Variants in HS6ST3 observed in about 807,000 individuals in gnomAD.
The protein encoded by HS6ST3 is heparan sulfate 6-O-sulfotransferase 3, also known as heparan-sulfate 6-O-sulfotransferase 3.
Under a neutral mutation model 36.7 loss-of-function variants are expected in HS6ST3, and 12 were observed. The observed-to-expected ratio is 0.33, with a 90% CI of 0.21 to 0.53. The LOEUF (loss-of-function observed/expected upper bound fraction) is 0.53. HS6ST3 is among the 20% of genes least tolerant of loss of function. HS6ST3 has a pLI of 0.95. For missense variants in HS6ST3, 584 were observed against 640.9 expected (o/e 0.91, Z 0.96); for synonymous variants, 240 against 257.5 (o/e 0.93, Z 0.65).
intron 1 of HS6ST3, among the ~76,000 whole-genome samples, chr13:96,637,021 A>G (rs940306615): frequency 6.6e-6 from 1 of 152,168 alleles, no homozygotes; most frequent in African/African-American, 2.4e-5. Context: ...AAAAAAAAAG[A>G]ATACAAGTGT....
At chr13:96,469,956 A>G (rs1018290014) in intron 1 of HS6ST3, among the ~76,000 whole-genome samples, 4 of 152,252 alleles carry the variant, frequency 2.6e-5, no homozygotes, top group Non-Finnish European at 4.4e-5. Context: ...ATTAATTTTA[A>G]GAAGAAAGTC....
intron 1 of HS6ST3, among the ~76,000 whole-genome samples, chr13:96,421,991 C>T (rs949482591): frequency 6.6e-6 from 1 of 152,182 alleles, no homozygotes; most frequent in Non-Finnish European, 1.5e-5. Flanking sequence ...TTTTATCATT[C>T]ATGAAATAAT....
At chr13:96,136,695 ATAT>A (rs2054003904) in intron 1 of HS6ST3, among the ~76,000 whole-genome samples, 1 of 44,534 alleles carries the variant, frequency 2.2e-5, no homozygotes, top group Non-Finnish European at 4.7e-5. Flanking sequence ...ATATATATAT[ATAT>A]ATATATATAT....
At chr13:96,365,126 G>C (rs188904861) in intron 1 of HS6ST3, among the ~76,000 whole-genome samples, 1 of 152,164 alleles carries the variant, frequency 6.6e-6, no homozygotes, top group Non-Finnish European at 1.5e-5. Flanking sequence ...GCTAGGTCAG[G>C]TTTAGTCCAG....
At chr13:96,684,126 A>C (rs1874698295) in intron 1 of HS6ST3, among the ~76,000 whole-genome samples, 2 of 152,204 alleles carry the variant, frequency 1.3e-5, no homozygotes, top group Admixed American at 6.6e-5. Context: ...CCCAATAACT[A>C]AGCTATTTTG....
At chr13:96,413,666 AT>A (rs1191501528) in intron 1 of HS6ST3, among the ~76,000 whole-genome samples, 1 of 152,210 alleles carries the variant, frequency 6.6e-6, no homozygotes, top group African/African-American at 2.4e-5. Context: ...ATAAATAGCT[AT>A]GGTTGTGAGA....
At chr13:96,649,923 T>A (rs2056601870) in intron 1 of HS6ST3, among the ~76,000 whole-genome samples, 1 of 152,004 alleles carries the variant, frequency 6.6e-6, no homozygotes, top group Non-Finnish European at 1.5e-5. Flanking sequence ...TCTTACTTAC[T>A]CTGCAGTAGC....
intron 1 of HS6ST3, among the ~76,000 whole-genome samples, chr13:96,459,774 A>G (rs1318915668): frequency 6.6e-6 from 1 of 152,214 alleles, no homozygotes; most frequent in African/African-American, 2.4e-5. Flanking sequence ...GAGATTGATC[A>G]GTGTTCACAT....
At chr13:96,709,973 C>G (rs1307440098) in intron 1 of HS6ST3, among the ~76,000 whole-genome samples, 1 of 152,170 alleles carries the variant, frequency 6.6e-6, no homozygotes, top group African/African-American at 2.4e-5. Flanking sequence ...CAAACAAGGG[C>G]TCTAAGTGGC....
intron 1 of HS6ST3, among the ~76,000 whole-genome samples, chr13:96,479,520 G>C (rs2055880363): frequency 6.6e-6 from 1 of 152,196 alleles, no homozygotes; most frequent in African/African-American, 2.4e-5. Flanking sequence ...AAATGGATTA[G>C]AATGGATTGA....
chr13:96,254,508 T>C (rs1180406350), intron 1 of HS6ST3, among the ~76,000 whole-genome samples: 900 of 25,494 alleles, frequency 0.035, 54 homozygotes, highest in African/African-American at 0.079. Flanking sequence ...TACACATACA[T>C]ACACACACAC....
At chr13:96,516,123 G>T (rs1205769778) in intron 1 of HS6ST3, among the ~76,000 whole-genome samples, 1 of 151,708 alleles carries the variant, frequency 6.6e-6, no homozygotes, top group Non-Finnish European at 1.5e-5. Context: ...GTGCAGTGGG[G>T]TGATGTCGGC....
At position 96,838,671 on chromosome 13, in the gene HS6ST3, C is replaced by G. The variant is rs1410267506; in HGVS notation, c.*5473C>G. On this transcript the variant is annotated 3_prime_UTR_variant, in exon 2 of 2. Coordinates refer to ENST00000376705, the MANE Select transcript of HS6ST3 (RefSeq NM_153456.4). ...ATGCCTGCTCTCTTCTCACCACATT[C>G]ACCTGGACAAATCTGAACTAATTCC... The G allele has an allele frequency of 3.3e-5, 5 of 152,192 alleles. No homozygotes were observed. Among genetic ancestry groups the G allele is most frequent in the African/African-American group, 9.6e-5 (4 of 41,458 alleles). The allele number at this position is 152,192 out of a possible 1,614,324, so 9.4% of individuals were successfully genotyped here. A position where few individuals can be genotyped will look rare whatever the true frequency, so the allele number is the denominator to read the frequency against.
intron 1 of HS6ST3, among the ~76,000 whole-genome samples, chr13:96,577,054 A>G (rs1281679736): frequency 6.6e-6 from 1 of 151,448 alleles, no homozygotes; most frequent in Non-Finnish European, 1.5e-5. Context: ...TCTGGGATAC[A>G]TGTGCAGAAC....
chr13:96,149,150 C>A (rs532096804), intron 1 of HS6ST3, among the ~76,000 whole-genome samples: 1 of 152,200 alleles, frequency 6.6e-6, no homozygotes, highest in African/African-American at 2.4e-5. Context: ...TTTAAATAAA[C>A]AGGTCTTGAT....
At chr13:96,581,065 C>A (rs1441348555) in intron 1 of HS6ST3, among the ~76,000 whole-genome samples, 1 of 152,084 alleles carries the variant, frequency 6.6e-6, no homozygotes, top group Non-Finnish European at 1.5e-5. Flanking sequence ...TGCTTAATTT[C>A]TATTTCATAC....
At chr13:96,096,093 C>T (rs1394092089) in intron 1 of HS6ST3, among the ~76,000 whole-genome samples, 2 of 151,862 alleles carry the variant, frequency 1.3e-5, no homozygotes, top group Non-Finnish European at 2.9e-5. Flanking sequence ...TTATTTGCAG[C>T]ATCTGGAAAC....
chr13:96,131,424 C>CTT (rs149606284), intron 1 of HS6ST3, among the ~76,000 whole-genome samples: 3,043 of 151,780 alleles, frequency 0.02, 84 homozygotes, highest in African/African-American at 0.068. Flanking sequence ...TTTAAAAAAA[C>CTT]TTAAAAAAAT....
At chr13:96,681,919 T>C (rs1157513703) in intron 1 of HS6ST3, among the ~76,000 whole-genome samples, 1 of 152,162 alleles carries the variant, frequency 6.6e-6, no homozygotes, top group Non-Finnish European at 1.5e-5. Context: ...TTTAGTATTC[T>C]GTTCAAACAT....
Sources: gnomAD v4.1 joint callset for allele counts (sites outside exome capture counted in the v4.1 genomes callset) on GRCh38, gnomAD v4.1.1 for gene constraint, MANE v1.5 for transcripts, NCBI Gene and HGNC (gene_info 2026-07-23, HGNC 2026-07-21) for gene names.